The following CDH13 variants were observed in gnomAD, a reference collection of about 807,000 sequenced individuals.
CDH13 encodes cadherin 13.
Under a neutral mutation model 63.8 loss-of-function variants are expected in CDH13, and 24 were observed. That is an observed-to-expected ratio of 0.38 (90% CI 0.27 to 0.53). The LOEUF is 0.53. Ranked by LOEUF, CDH13 falls within the 20% of genes least tolerant of loss-of-function variation. CDH13 has a pLI of 0.85. For synonymous variants in CDH13, 503 were observed against 355.3 expected, an observed-to-expected ratio of 1.42 and a Z score of -4.67; for missense variants, 1,049 against 903.1, an observed-to-expected ratio of 1.16 and a Z score of -2.07.
At chr16:83,708,235 G>A (rs1268985584) in intron 10 of CDH13, among the ~76,000 whole-genome samples, 1 of 152,208 alleles carries the variant, frequency 6.6e-6, no homozygotes. Flanking sequence ...TGCAGCACAA[G>A]CTCCTCTCAA....
At chr16:83,346,505 G>C (rs76528235) in intron 6 of CDH13, among the ~76,000 whole-genome samples, 3,491 of 152,322 alleles carry the variant, frequency 0.023, 131 homozygotes, top group African/African-American at 0.079. Flanking sequence ...CCATGAGTGA[G>C]TGACTAGAAT....
chr16:82,749,672 T>A (rs2034330643), intron 1 of CDH13, among the ~76,000 whole-genome samples: 1 of 152,208 alleles, frequency 6.6e-6, no homozygotes, highest in South Asian at 2.1e-4. Context: ...ATGTATATAT[T>A]TTCCTTGAAC....
At chr16:83,287,371 C>G (rs2089344912) in intron 5 of CDH13, among the ~76,000 whole-genome samples, 2 of 152,184 alleles carry the variant, frequency 1.3e-5, no homozygotes, top group African/African-American at 4.8e-5. Flanking sequence ...GGCTGCCCAG[C>G]AGGAGGTAAG....
chr16:82,716,924 G>A (rs1413500657), intron 1 of CDH13, among the ~76,000 whole-genome samples: 1 of 151,902 alleles, frequency 6.6e-6, no homozygotes, highest in African/African-American at 2.4e-5. Context: ...TCAAGTCCCG[G>A]TGTAGAGTTT....
chr16:83,089,793 T>G (rs369133876), intron 3 of CDH13, among the ~76,000 whole-genome samples: 1 of 152,160 alleles, frequency 6.6e-6, no homozygotes, highest in Non-Finnish European at 1.5e-5. Flanking sequence ...TTTCAGGACT[T>G]ATATAGATGA....
At chr16:83,684,707 AT>A (rs1234884389) in intron 10 of CDH13, among the ~76,000 whole-genome samples, 1 of 152,206 alleles carries the variant, frequency 6.6e-6, no homozygotes, top group Non-Finnish European at 1.5e-5. Context: ...GAAGAAAAAT[AT>A]TGTTCCTACC....
intron 6 of CDH13, among the ~76,000 whole-genome samples, chr16:83,472,499 C>A (rs1388147070): frequency 6.6e-6 from 1 of 152,150 alleles, no homozygotes; most frequent in African/African-American, 2.4e-5. Context: ...GTAGCAGAGG[C>A]AGTGGAGTCA....
At chr16:83,417,951 C>G (rs923151693) in intron 6 of CDH13, among the ~76,000 whole-genome samples, 3 of 152,110 alleles carry the variant, frequency 2.0e-5, no homozygotes, top group Non-Finnish European at 2.9e-5. Flanking sequence ...CTCCCCACCC[C>G]CTTAACATGG....
intron 8 of CDH13, among the ~76,000 whole-genome samples, chr16:83,625,861 G>A (rs954827048): frequency 2.0e-5 from 3 of 152,152 alleles, no homozygotes; most frequent in Non-Finnish European, 2.9e-5. Flanking sequence ...TAAGCCACGC[G>A]GTAGCCAGAG....
chr16:83,620,581 A>G (rs1386708017), intron 8 of CDH13, among the ~76,000 whole-genome samples: 2 of 152,092 alleles, frequency 1.3e-5, no homozygotes, highest in African/African-American at 4.8e-5. Context: ...GGCAGCCAAC[A>G]TGAGTAGACG....
In CDH13 at chr16:83,106,566, A is replaced by G. The variant is rs116625325; in HGVS notation, c.367-18819A>G. ...AAACAAAACAAAACAAAACAATACA[A>G]AACAAAAAAACAAGCATATCAAGGG... is the stretch of plus-strand genomic sequence containing the variant. On this transcript the variant is annotated intron_variant, in intron 3 of 13. Coordinates refer to ENST00000567109, the MANE Select transcript of CDH13 (RefSeq NM_001257.5). Among the ~76,000 whole-genome samples the G allele has an allele frequency of 8.0e-3, 1,221 of 152,290 alleles. 15 individuals are homozygous for G. Among genetic ancestry groups the G allele is most frequent in the African/African-American group, 0.028 (1,159 of 41,564 alleles).
intron 5 of CDH13, among the ~76,000 whole-genome samples, chr16:83,287,860 T>G (rs892674167): frequency 4.6e-5 from 7 of 152,184 alleles, no homozygotes; most frequent in African/African-American, 2.4e-5. Context: ...AGCATTGTAA[T>G]GTAACATTTT....
chr16:82,659,156 C>G (rs934106392), intron 1 of CDH13, among the ~76,000 whole-genome samples: 2 of 152,172 alleles, frequency 1.3e-5, no homozygotes, highest in Non-Finnish European at 2.9e-5. Flanking sequence ...TGATTTGACT[C>G]CTTTAAAGAT....
intron 2 of CDH13, among the ~76,000 whole-genome samples, chr16:82,939,775 T>G (rs2042777375): frequency 6.6e-6 from 1 of 152,226 alleles, no homozygotes; most frequent in Admixed American, 6.5e-5. Context: ...AACCCATTTC[T>G]CTAATGCTGC....
At chr16:83,437,266 C>T (rs1441821307) in intron 6 of CDH13, among the ~76,000 whole-genome samples, 1 of 151,960 alleles carries the variant, frequency 6.6e-6, no homozygotes, top group Non-Finnish European at 1.5e-5. Context: ...TTTGTTAGAT[C>T]GGATAATGAT....
At chr16:83,649,913 C>G (rs1163560065) in intron 8 of CDH13, among the ~76,000 whole-genome samples, 1 of 152,216 alleles carries the variant, frequency 6.6e-6, no homozygotes, top group African/African-American at 2.4e-5. Flanking sequence ...TGGTCCAAAG[C>G]CCACACTTTG....
chr16:83,213,139 A>G (rs921478789), intron 4 of CDH13, among the ~76,000 whole-genome samples: 3 of 152,120 alleles, frequency 2.0e-5, no homozygotes, highest in African/African-American at 7.2e-5. Context: ...GGCCCTCACA[A>G]TGGGGACTGG....
chr16:83,586,458 C>T (rs982034746), intron 7 of CDH13, among the ~76,000 whole-genome samples: 1 of 152,136 alleles, frequency 6.6e-6, no homozygotes, highest in African/African-American at 2.4e-5. Flanking sequence ...TTATTATTGG[C>T]GAAGAAGAGC....
chr16:83,522,044 C>T (rs1024357416), intron 7 of CDH13, among the ~76,000 whole-genome samples: 1 of 152,188 alleles, frequency 6.6e-6, no homozygotes. Context: ...CATTCGGGTG[C>T]CAGGCCACCT....
Sources: allele counts gnomAD v4.1 joint callset (sites outside exome capture counted in the v4.1 genomes callset), GRCh38; gene constraint gnomAD v4.1.1; transcripts MANE v1.5; gene names NCBI Gene and HGNC (gene_info 2026-07-23, HGNC 2026-07-21).